The following ANK1 variants were observed in gnomAD, a reference collection of about 807,000 sequenced individuals.
The protein encoded by ANK1 is ankyrin 1, also known as ankyrin-1.
ANK1 carries 51 observed loss-of-function variants against 210.4 expected under a neutral mutation model. The observed-to-expected ratio is 0.24, with a 90% CI of 0.19 to 0.31. The LOEUF is 0.31. Ranked by LOEUF, ANK1 falls within the 10% of genes least tolerant of loss-of-function variation. The pLI is 1.00. For missense variants in ANK1, 2,051 were observed against 2,504.4 expected (o/e 0.82, Z 3.86); for synonymous variants, 967 against 1,025.9 (o/e 0.94, Z 1.10).
chr8:41,777,195 A>C (rs1050225627), intron 1 of ANK1, among the ~76,000 whole-genome samples: 2 of 152,160 alleles, frequency 1.3e-5, no homozygotes, highest in African/African-American at 4.8e-5. Context: ...ATCCTAAGGT[A>C]TGTCTCTAAT....
At chr8:41,809,386 G>T (rs1380608980) in intron 1 of ANK1, among the ~76,000 whole-genome samples, 1 of 152,184 alleles carries the variant, frequency 6.6e-6, no homozygotes, top group Admixed American at 6.5e-5. Flanking sequence ...TAGCAAACGC[G>T]TCAACATGCA....
chr8:41,797,018 G>A lies in ANK1; in HGVS notation c.27+494C>T, dbSNP rs553433445. 4.5e-4 allele frequency among the ~76,000 whole-genome samples: 68 copies of A among 152,294 alleles called. No individual in the cohort carries two copies. Among genetic ancestry groups the A allele is most frequent in the Admixed American group, 1.1e-3 (17 of 15,298 alleles). On this transcript the variant is annotated intron_variant, in intron 1 of 42. Coordinates refer to ENST00000289734, the MANE Select transcript of ANK1 (RefSeq NM_000037.4). The surrounding 1 kb of genome is among the most constrained non-coding windows in gnomAD (Gnocchi z 4.0). ...TAAATTAAAAGAACCGAGCAGGTGT[G>A]ACCATGAGACCACCGGCCTCCGTGA... is the stretch of plus-strand genomic sequence containing the variant.
intron 1 of ANK1, among the ~76,000 whole-genome samples, chr8:41,763,267 A>C (rs1240820476): frequency 6.6e-6 from 1 of 151,988 alleles, no homozygotes; most frequent in Non-Finnish European, 1.5e-5. Flanking sequence ...GGGTAAGGGA[A>C]GCTCCATATG....
chr8:41,717,785 T>C, intron 11 of ANK1, 83 bp from the exon 12 acceptor site: 1 of 1,243,046 alleles, frequency 8.0e-7, no homozygotes. Context: ...TATCTAACGC[T>C]TTCACAAATG....
intron 8 of ANK1, 72 bp from the exon 9 acceptor site, chr8:41,723,295 C>G: frequency 6.7e-7 from 1 of 1,501,694 alleles, no homozygotes; most frequent in Non-Finnish European, 9.3e-7. Flanking sequence ...AGAAGACTGC[C>G]TATGGCATCA....
Position 41,770,743 on chromosome 8 carries a change from G to T in ANK1, c.28-12606C>A, listed in dbSNP as rs73621186. On this transcript the variant is annotated intron_variant, in intron 1 of 42. Coordinates refer to ENST00000289734, the MANE Select transcript of ANK1 (RefSeq NM_000037.4). ...GCGATGAGTCAGGCAAGGCCCAAGA[G>T]GAGGAGAAAGAACACAACTACAAAC... 3.1e-3 allele frequency among the ~76,000 whole-genome samples: 466 copies of T among 152,354 alleles called. 1 individual carries two copies. Among genetic ancestry groups the T allele is most frequent in the African/African-American group, 0.011 (445 of 41,584 alleles).
chr8:41,749,409 T>C (rs1376094260), intron 2 of ANK1, among the ~76,000 whole-genome samples: 2 of 150,306 alleles, frequency 1.3e-5, no homozygotes, highest in Non-Finnish European at 3.0e-5. Context: ...GTGATTCTCC[T>C]GCCTCAGACT....
intron 16 of ANK1, among the ~76,000 whole-genome samples, chr8:41,712,631 G>C (rs1297654932): frequency 2.0e-5 from 3 of 152,228 alleles, no homozygotes; most frequent in African/African-American, 7.2e-5. Context: ...AATGCACACG[G>C]AGGGAGCTCT....
chr8:41,656,367 C>T (rs568584989), intron 42 of ANK1, among the ~76,000 whole-genome samples: 20 of 152,350 alleles, frequency 1.3e-4, no homozygotes, highest in Admixed American at 3.9e-4. Flanking sequence ...ACTTCCTGAC[C>T]GCTGCCTCTG....
In ANK1 at chr8:41,727,360, G is replaced by A; in HGVS notation, c.328-12C>T. On this transcript the variant is annotated splice_polypyrimidine_tract_variant and intron_variant, in intron 4 of 42. Coordinates refer to ENST00000289734, the MANE Select transcript of ANK1 (RefSeq NM_000037.4). ...GGTGTAAAACCTTTCTGTAAACCAA[G>A]AGAGGACATCATTAGCATCCACCCG... 10 of 1,601,206 alleles carry A rather than the reference G, an allele frequency of 6.2e-6. No individual in the cohort carries two copies. Among genetic ancestry groups the A allele is most frequent in the Non-Finnish European group, 8.6e-6 (10 of 1,168,508 alleles).
intron 1 of ANK1, among the ~76,000 whole-genome samples, chr8:41,782,081 A>ATG (rs1845455008): frequency 6.6e-6 from 1 of 152,226 alleles, no homozygotes; most frequent in Non-Finnish European, 1.5e-5. Flanking sequence ...GACAATGTGC[A>ATG]GAGCCCTCCA....
chr8:41,785,698 C>A (rs943449305), intron 1 of ANK1, among the ~76,000 whole-genome samples: 6 of 152,238 alleles, frequency 3.9e-5, no homozygotes, highest in Non-Finnish European at 8.8e-5. Flanking sequence ...TCCATCACTT[C>A]CGGGCCTGGG....
At chr8:41,768,664 C>T (rs765486855) in intron 1 of ANK1, among the ~76,000 whole-genome samples, 2 of 152,070 alleles carry the variant, frequency 1.3e-5, no homozygotes, top group South Asian at 2.1e-4. Flanking sequence ...GTGTACTCAG[C>T]GCCAGGAAGA....
intron 1 of ANK1, among the ~76,000 whole-genome samples, chr8:41,874,218 T>A (rs1436930494): frequency 1.3e-5 from 2 of 152,154 alleles, no homozygotes; most frequent in African/African-American, 4.8e-5. Flanking sequence ...CCCTGAACTG[T>A]CTCAGGGACA....
chr8:41,761,338 C>CACACAT (rs1272515666), intron 1 of ANK1, among the ~76,000 whole-genome samples: 1 of 150,902 alleles, frequency 6.6e-6, no homozygotes, highest in Admixed American at 6.6e-5. Context: ...CACACACCTG[C>CACACAT]ACACATACAC....
chr8:41,757,619 C>T (rs989822681), intron 2 of ANK1, among the ~76,000 whole-genome samples: 8 of 152,248 alleles, frequency 5.3e-5, no homozygotes, highest in Non-Finnish European at 7.3e-5. Context: ...AGCGGGGCCT[C>T]GTTCCTCGAC....
intron 6 of ANK1, 111 bp downstream of exon 6, chr8:41,725,650 C>CCCG (rs1830489754): frequency 6.9e-7 from 1 of 1,440,614 alleles, no homozygotes; most frequent in African/African-American, 1.4e-5. Context: ...GTGCGCACTG[C>CCCG]CCGCCCTGCA....
At chr8:41,799,422 C>A (rs945059420), upstream of ANK1, among the ~76,000 whole-genome samples, 1 of 152,068 alleles carries the variant, frequency 6.6e-6, no homozygotes, top group Non-Finnish European at 1.5e-5. Context: ...GGAACGAACC[C>A]GTGGTTGTCA....
chr8:41,882,745 T>A (rs569350263), intron 1 of ANK1, among the ~76,000 whole-genome samples: 5 of 152,360 alleles, frequency 3.3e-5, no homozygotes, highest in Admixed American at 1.3e-4. Flanking sequence ...GGCTGTGGGA[T>A]TGCCTTAGTT....
Sources: gnomAD v4.1 joint callset for allele counts (sites outside exome capture counted in the v4.1 genomes callset) on GRCh38, gnomAD v4.1.1 for gene constraint, Gnocchi (gnomAD v3.1) non-coding constraint, MANE v1.5 for transcripts, NCBI Gene and HGNC (gene_info 2026-07-23, HGNC 2026-07-21) for gene names.